ARFGEF3: variants seen among roughly 807,000 people sequenced by gnomAD.
The protein encoded by ARFGEF3 is ARFGEF family member 3, also known as brefeldin A-inhibited guanine nucleotide-exchange protein 3.
A neutral mutation model predicts 221.7 loss-of-function variants in ARFGEF3; 96 were observed. That is an observed-to-expected ratio of 0.43 (90% CI 0.37 to 0.51). The LOEUF is 0.51. Ranked by LOEUF, ARFGEF3 falls within the 20% of genes least tolerant of loss-of-function variation. The probability of loss-of-function intolerance (pLI) is 0.00; values close to 1 mark genes in which losing one functional copy is unlikely to be tolerated. For missense variants in ARFGEF3, 2,410 were observed against 2,789.9 expected, an observed-to-expected ratio of 0.86 and a Z score of 3.07; for synonymous variants, 1,145 against 1,126.8, an observed-to-expected ratio of 1.02 and a Z score of -0.32.
rs572043040 is a variant in ARFGEF3, at chr6:138,213,658, A to G, written c.351+3617A>G. ...TGATCTCACGGAAGTAGAGAGTAAG[A>G]TAATGATTGCTGGAGACTGGGGTGC... On this transcript the variant is annotated intron_variant, in intron 4 of 33. Coordinates refer to ENST00000251691, the MANE Select transcript of ARFGEF3 (RefSeq NM_020340.5). Among the ~76,000 whole-genome samples, 142 of 152,174 alleles carry G rather than the reference A, an allele frequency of 9.3e-4. 1 individual carries two copies. Among genetic ancestry groups the G allele is most frequent in the Non-Finnish European group, 1.6e-3 (112 of 67,984 alleles).
Position 138,263,129 on chromosome 6 carries a change from G to A in ARFGEF3, c.1646G>A (p.Ser549Asn), listed in dbSNP as rs770975859. The A allele has an allele frequency of 9.9e-6, 16 of 1,613,892 alleles. No homozygotes were observed. Among genetic ancestry groups the A allele is most frequent in the Non-Finnish European group, 1.4e-5 (16 of 1,179,900 alleles). The change falls in exon 12 of 34, where the codon AGC (serine) becomes AAC (asparagine). Residue 549 changes from serine (S) to asparagine (N), a missense_variant. By Grantham distance (46) the Ser-to-Asn change is conservative. Transcript: ENST00000251691. ...PAIPEGKETL[S>N]KVLETEAVDQ... ...ATCCCAGAGGGTAAGGAGACGCTGA[G>A]CAAAGTATTGGAAACAGAGGCGGTA...
intron 3 of ARFGEF3, among the ~76,000 whole-genome samples, chr6:138,209,606 C>T (rs924838206): frequency 7.2e-5 from 11 of 152,060 alleles, no homozygotes; most frequent in African/African-American, 1.7e-4. Context: ...CCCGCCACCA[C>T]GCCTGGCTAA....
chr6:138,163,393 T>C (rs1776656961), intron 1 of ARFGEF3, among the ~76,000 whole-genome samples: 1 of 152,182 alleles, frequency 6.6e-6, no homozygotes, highest in South Asian at 2.1e-4. Context: ...ACAGCAAGGC[T>C]CTTAAAGCCA....
chr6:138,332,116 A>C (rs557637855), intron 32 of ARFGEF3, among the ~76,000 whole-genome samples: 43 of 152,266 alleles, frequency 2.8e-4, no homozygotes, highest in Admixed American at 2.7e-3. Flanking sequence ...GGTAATAAAA[A>C]ACAGTGTTGT....
intron 2 of ARFGEF3, among the ~76,000 whole-genome samples, chr6:138,184,582 A>G (rs945625573): frequency 6.6e-6 from 1 of 152,224 alleles, no homozygotes; most frequent in African/African-American, 2.4e-5. Context: ...GTGAATATAA[A>G]AGGGCCCAGC....
At chr6:138,293,499 A>G (rs1442359522) in intron 19 of ARFGEF3, among the ~76,000 whole-genome samples, 1 of 152,182 alleles carries the variant, frequency 6.6e-6, no homozygotes, top group African/African-American at 2.4e-5. Context: ...TTGGGTGTGT[A>G]TGAGGCCAGT....
At chr6:138,310,925 GGAAA>G (rs1163828921) in intron 24 of ARFGEF3, among the ~76,000 whole-genome samples, 1 of 152,174 alleles carries the variant, frequency 6.6e-6, no homozygotes, top group Non-Finnish European at 1.5e-5. Context: ...GCACTGGCAG[GGAAA>G]GAAATCCTTT....
intron 32 of ARFGEF3, among the ~76,000 whole-genome samples, chr6:138,333,059 A>G (rs1780256023): frequency 6.6e-6 from 1 of 152,258 alleles, no homozygotes; most frequent in South Asian, 2.1e-4. Flanking sequence ...TAATTTTATA[A>G]TTATCCAGTT....
intron 2 of ARFGEF3, among the ~76,000 whole-genome samples, chr6:138,198,342 A>G (rs1317819386): frequency 1.3e-5 from 2 of 152,228 alleles, no homozygotes; most frequent in African/African-American, 4.8e-5. Context: ...GGGTGAATCC[A>G]ATCTTTGTTT....
chr6:138,195,192 T>TG (rs1375281146), intron 2 of ARFGEF3, among the ~76,000 whole-genome samples: 3 of 151,518 alleles, frequency 2.0e-5, no homozygotes, highest in Non-Finnish European at 2.9e-5. Flanking sequence ...TTAGTAGAGA[T>TG]GGGGTCTCAC....
At chr6:138,275,698 C>T (rs1054767956) in intron 12 of ARFGEF3, among the ~76,000 whole-genome samples, 6 of 150,548 alleles carry the variant, frequency 4.0e-5, no homozygotes, top group African/African-American at 9.8e-5. Context: ...GAGCCAAGAT[C>T]GCACCACTGC....
intron 2 of ARFGEF3, among the ~76,000 whole-genome samples, chr6:138,196,991 G>C (rs1562349831): frequency 6.6e-6 from 1 of 151,824 alleles, no homozygotes; most frequent in Admixed American, 6.6e-5. Context: ...GCACCACCAC[G>C]CCCGGCTAAT....
chr6:138,246,584 C>A (rs932326688), intron 8 of ARFGEF3, among the ~76,000 whole-genome samples: 1 of 152,174 alleles, frequency 6.6e-6, no homozygotes, highest in East Asian at 1.9e-4. Flanking sequence ...TTCGTCAATT[C>A]TTCTGTTGTT....
chr6:138,203,174 G>A (rs959340586), intron 2 of ARFGEF3, among the ~76,000 whole-genome samples: 4 of 152,100 alleles, frequency 2.6e-5, no homozygotes, highest in Non-Finnish European at 4.4e-5. Context: ...GTGTGTGTGT[G>A]TGTTTAAGAA....
chr6:138,203,517 A>G (rs1013809887), intron 2 of ARFGEF3, among the ~76,000 whole-genome samples: 3 of 152,250 alleles, frequency 2.0e-5, no homozygotes, highest in African/African-American at 7.2e-5. Context: ...AGCTCTCAGC[A>G]TGCTGCCTGG....
intron 3 of ARFGEF3, among the ~76,000 whole-genome samples, chr6:138,209,675 C>G (rs1271925457): frequency 6.6e-6 from 1 of 152,120 alleles, no homozygotes; most frequent in Non-Finnish European, 1.5e-5. Context: ...ATCTCCAACC[C>G]CTGACCTCAT....
intron 22 of ARFGEF3, among the ~76,000 whole-genome samples, chr6:138,306,953 T>TAAAAAAAAAAAAAA (rs71773390): frequency 1.8e-5 from 2 of 113,694 alleles, no homozygotes; most frequent in Non-Finnish European, 3.8e-5. Flanking sequence ...TAAGGAACTC[T>TAAAAAAAAAAAAAA]AAAAAAAAAA....
At chr6:138,244,026 T>TA (rs1198479008) in intron 7 of ARFGEF3, among the ~76,000 whole-genome samples, 3 of 151,988 alleles carry the variant, frequency 2.0e-5, no homozygotes, top group African/African-American at 4.8e-5. Context: ...TTTTATAAAC[T>TA]AAAAAAAGGG....
intron 2 of ARFGEF3, among the ~76,000 whole-genome samples, chr6:138,193,890 G>A (rs1777359479): frequency 6.6e-6 from 1 of 152,076 alleles, no homozygotes; most frequent in South Asian, 2.1e-4. Context: ...GTCTTTTGTA[G>A]CATAGATGTT....
Sources: gnomAD v4.1 joint callset for allele counts (sites outside exome capture counted in the v4.1 genomes callset) on GRCh38, gnomAD v4.1.1 for gene constraint, MANE v1.5 for transcripts, NCBI Gene and HGNC (gene_info 2026-07-23, HGNC 2026-07-21) for gene names.